LHPP: variants seen among roughly 807,000 people sequenced by gnomAD.
LHPP encodes the protein phospholysine phosphohistidine inorganic pyrophosphate phosphatase, also known as hLHPP.
A neutral mutation model predicts 30.3 loss-of-function variants in LHPP; 24 were observed. That is an observed-to-expected ratio of 0.79 (90% CI 0.57 to 1.11). The LOEUF (loss-of-function observed/expected upper bound fraction) is 1.11, where lower values mean the gene tolerates loss of function less well. LHPP is among the 50% of genes most tolerant of loss of function. The pLI is 0.00. For missense variants in LHPP, 356 were observed against 367.2 expected (o/e 0.97, Z 0.25); for synonymous variants, 150 against 157.1 (o/e 0.95, Z 0.34).
intron 6 of LHPP, 27 bp from the exon 7 acceptor site, chr10:124,613,237 T>C: frequency 6.3e-7 from 1 of 1,577,934 alleles, no homozygotes; most frequent in Non-Finnish European, 8.7e-7. Flanking sequence ...GTGGGGGCAC[T>C]GACTAACCTC....
intron 1 of LHPP, among the ~76,000 whole-genome samples, chr10:124,476,205 G>A (rs1341911918): frequency 6.6e-6 from 1 of 152,158 alleles, no homozygotes; most frequent in African/African-American, 2.4e-5. Context: ...AGGAGGCCCA[G>A]CTAGGTCCCA....
chr10:124,539,353 A>T (rs1310553124), intron 6 of LHPP, among the ~76,000 whole-genome samples: 1 of 152,156 alleles, frequency 6.6e-6, no homozygotes. Context: ...TGGCCGGGTG[A>T]GGTGGCCCTG....
rs1187825291 is a variant in LHPP at position 124,530,353 on chromosome 10, C to T, written c.716+13082C>T. ...ATGGGACAGGCCGGGCCTGCTGGAG[C>T]CAGGGCCGATGCACGCACAGCTACA... On this transcript the variant is annotated intron_variant, in intron 6 of 6. Coordinates refer to ENST00000368842, the MANE Select transcript of LHPP (RefSeq NM_022126.4). 3.9e-5 allele frequency among the ~76,000 whole-genome samples: 6 copies of T among 152,280 alleles called. No individual in the cohort carries two copies. The East Asian group carries it at 1.2e-3, about 29-fold the overall frequency.
In LHPP at chr10:124,484,179, G is replaced by A. The variant is rs377748077; in HGVS notation, c.166G>A (p.Glu56Lys). ...SRLKVRFCTN[E>K]SQKSRAELVG... ...GCTGAAGGTGAGGTTCTGCACCAAC[G>A]AGTCGCAGAAGTCCCGGGCAGAGCT... The change falls in exon 2 of 7, where the codon GAG (glutamate) becomes AAG (lysine). Residue 56 changes from glutamate to lysine, a missense_variant. Transcript: ENST00000368842. 5.9e-5 allele frequency: 96 copies of A among 1,613,960 alleles called. No homozygotes were observed. Among genetic ancestry groups the A allele is most frequent in the Non-Finnish European group, 7.6e-5 (90 of 1,180,046 alleles).
rs1441324504 is a variant in LHPP at position 124,596,847 on chromosome 10, G to A, written c.717-16417G>A. 6.6e-6 allele frequency among the ~76,000 whole-genome samples: 1 copy of A among 152,210 alleles called. No homozygotes were observed. Among genetic ancestry groups the A allele is most frequent in the Non-Finnish European group, 1.5e-5 (1 of 68,024 alleles). On this transcript the variant is annotated intron_variant, in intron 6 of 6. Coordinates refer to ENST00000368842, the MANE Select transcript of LHPP (RefSeq NM_022126.4). This position sits in a 1 kb window ranked among gnomAD's most constrained non-coding sequence, Gnocchi z 4.6. ...GGATTGAAGGATGCCTAGATGGCTG[G>A]TAAAGTTTTGTTTCTGGCTGGTTAA...
intron 6 of LHPP, among the ~76,000 whole-genome samples, chr10:124,534,377 G>T (rs1267863987): frequency 6.6e-6 from 1 of 152,258 alleles, no homozygotes; most frequent in Admixed American, 6.5e-5. Flanking sequence ...TGACTCTGCA[G>T]AGAGCCAACG....
At chr10:124,490,041 C>T (rs1953473305) in intron 3 of LHPP, 1 of 171,778 alleles carries the variant, frequency 5.8e-6, no homozygotes, top group African/African-American at 2.4e-5. Context: ...CTGTGGGTAT[C>T]TCTCCCATCT....
At chr10:124,495,692 G>A (rs1299273077) in intron 3 of LHPP, among the ~76,000 whole-genome samples, 3 of 152,166 alleles carry the variant, frequency 2.0e-5, no homozygotes, top group Non-Finnish European at 4.4e-5. Context: ...ATTGAACAGG[G>A]CTGTGTTCAT....
At chr10:124,543,396 G>A (rs1955252254) in intron 6 of LHPP, among the ~76,000 whole-genome samples, 1 of 152,254 alleles carries the variant, frequency 6.6e-6, no homozygotes, top group Admixed American at 6.5e-5. Context: ...GACAGTGCAG[G>A]CGCAGGTGGC....
At chr10:124,588,554 C>T (rs986534920) in intron 6 of LHPP, among the ~76,000 whole-genome samples, 6 of 152,196 alleles carry the variant, frequency 3.9e-5, no homozygotes, top group South Asian at 2.1e-4. Flanking sequence ...GGATTACAGG[C>T]GTGAGCCACA....
At chr10:124,490,073 T>C (rs1186065254) in intron 3 of LHPP, 3 of 172,876 alleles carry the variant, frequency 1.7e-5, no homozygotes, top group Non-Finnish European at 3.6e-5. Context: ...TCTCTGTCTT[T>C]GGGTGTCTCT....
intron 6 of LHPP, among the ~76,000 whole-genome samples, chr10:124,579,799 C>T (rs10901771): frequency 0.14 from 21,336 of 152,158 alleles, 1,836 homozygotes; most frequent in Admixed American, 0.21. Flanking sequence ...CAGAAGAGCT[C>T]GCTGGAGCAA....
At chr10:124,520,566 C>G (rs17151960) in intron 6 of LHPP, among the ~76,000 whole-genome samples, 10,388 of 152,276 alleles carry the variant, frequency 0.068, 435 homozygotes, top group African/African-American at 0.11. Context: ...AATGTCAGAC[C>G]TTTTGATTTG....
At chr10:124,571,677 C>T (rs12264692) in intron 6 of LHPP, among the ~76,000 whole-genome samples, 77,671 of 151,990 alleles carry the variant, frequency 0.51, 20,103 homozygotes, top group South Asian at 0.66. Context: ...ATACTACAGA[C>T]TTTTTGTGTT....
chr10:124,481,391 T>TTTTTTTTTTTG (rs1564776208), intron 1 of LHPP, among the ~76,000 whole-genome samples: 1 of 140,788 alleles, frequency 7.1e-6, no homozygotes. Context: ...TTTTTTTTTT[T>TTTTTTTTTTTG]TTTGCGACAG....
chr10:124,603,940 C>T (rs1168422334), intron 6 of LHPP, among the ~76,000 whole-genome samples: 8 of 152,196 alleles, frequency 5.3e-5, no homozygotes, highest in Non-Finnish European at 7.4e-5. Context: ...TGCTAAGGCC[C>T]GGGCCTGGGG....
chr10:124,501,049 C>T (rs970885768), intron 5 of LHPP, among the ~76,000 whole-genome samples: 7 of 152,018 alleles, frequency 4.6e-5, no homozygotes, highest in African/African-American at 1.7e-4. Context: ...TATGTCCATA[C>T]AGTGGAATAT....
chr10:124,561,358 G>A (rs552967697), intron 6 of LHPP, among the ~76,000 whole-genome samples: 1 of 152,250 alleles, frequency 6.6e-6, no homozygotes, highest in East Asian at 1.9e-4. Flanking sequence ...GGAGCCAGGA[G>A]CAGGGTGGGA....
At chr10:124,503,785 T>A (rs1390876480) in intron 5 of LHPP, among the ~76,000 whole-genome samples, 1 of 149,850 alleles carries the variant, frequency 6.7e-6, no homozygotes, top group African/African-American at 2.5e-5. Context: ...AGCAACTATG[T>A]ATATATTTGT....
Sources: allele counts gnomAD v4.1 joint callset (sites outside exome capture counted in the v4.1 genomes callset), GRCh38; gene constraint gnomAD v4.1.1; non-coding constraint Gnocchi (gnomAD v3.1); transcripts MANE v1.5; gene names NCBI Gene and HGNC (gene_info 2026-07-23, HGNC 2026-07-21).